Variants in DDX31 observed in about 807,000 individuals in gnomAD.
The protein encoded by DDX31 is DEAD-box helicase 31.
DDX31 carries 70 observed loss-of-function variants against 91.3 expected under a neutral mutation model. That is an observed-to-expected ratio of 0.77 (90% CI 0.63 to 0.94). DDX31 has a LOEUF of 0.94. DDX31 is among the 40% of genes least tolerant of loss of function. The pLI, the probability that DDX31 is intolerant of heterozygous loss-of-function variation, is 0.00. For synonymous variants in DDX31, 362 were observed against 350.6 expected, an observed-to-expected ratio of 1.03 and a Z score of -0.36; for missense variants, 902 against 925.0, an observed-to-expected ratio of 0.98 and a Z score of 0.32.
chr9:132,597,140 C>T (rs1271367379), intron 19 of DDX31, among the ~76,000 whole-genome samples: 2 of 152,210 alleles, frequency 1.3e-5, no homozygotes, highest in Non-Finnish European at 2.9e-5. Flanking sequence ...ACTGGTGCTA[C>T]GGCCCCTGAC....
chr9:132,626,657 G>A (rs73560900), intron 16 of DDX31, among the ~76,000 whole-genome samples: 99 of 150,860 alleles, frequency 6.6e-4, no homozygotes, highest in African/African-American at 2.0e-3. Flanking sequence ...TTTTGAAAAT[G>A]TAACAGCAAA....
rs762633023 is a variant in DDX31, at chr9:132,618,322, C to T, written c.1825+8G>A. 27 of 1,606,134 alleles carry T rather than the reference C, an allele frequency of 1.7e-5. No homozygotes were observed. Among genetic ancestry groups the T allele is most frequent in the East Asian group, 1.1e-4 (5 of 44,542 alleles). ...TCCACTGCGCAAGCACCTAGGAAAT[C>T]GACTGACCTTTCTTTGCCCAGGAGA... On this transcript the variant is annotated splice_region_variant and intron_variant, in intron 18 of 19. Transcript: ENST00000372159.
intron 18 of DDX31, among the ~76,000 whole-genome samples, chr9:132,617,078 C>T (rs1225831905): frequency 6.6e-6 from 1 of 152,200 alleles, no homozygotes; most frequent in Non-Finnish European, 1.5e-5. Flanking sequence ...TCTGCTCCCC[C>T]TTCATTCCGA....
At chr9:132,652,529 T>A (rs2130797182) in intron 6 of DDX31, 37 bp from the exon 7 acceptor site, 2 of 1,613,260 alleles carry the variant, frequency 1.2e-6, no homozygotes, top group Non-Finnish European at 1.7e-6. Flanking sequence ...ATGAGCAGGA[T>A]AAACAAAGGC....
At chr9:132,642,818 A>G (rs1355097936) in intron 13 of DDX31, among the ~76,000 whole-genome samples, 1 of 151,890 alleles carries the variant, frequency 6.6e-6, no homozygotes, top group African/African-American at 2.4e-5. Flanking sequence ...TATTATGGCA[A>G]TTAAGGTTGT....
chr9:132,593,084 G>A lies in DDX31; in HGVS notation c.*1782C>T, dbSNP rs1216025405. 1 of 152,092 alleles carries A rather than the reference G, an allele frequency of 6.6e-6. No individual in the cohort carries two copies. Among genetic ancestry groups the A allele is most frequent in the African/African-American group, 2.4e-5 (1 of 41,398 alleles). 9.4% of individuals were successfully genotyped at this position (152,092 alleles called of 1,614,324 possible). A position where few individuals can be genotyped will look rare whatever the true frequency, so the allele number is the denominator to read the frequency against. On this transcript the variant is annotated 3_prime_UTR_variant, in exon 20 of 20. Coordinates refer to ENST00000372159, the MANE Select transcript of DDX31 (RefSeq NM_022779.9). Reference sequence around the variant, plus strand: ...CTAAATCCATGTTTCTTTATTAACTGGGGTAATATAGTGATTCTACTTAGA... The same window carrying A: ...CTAAATCCATGTTTCTTTATTAACTAGGGTAATATAGTGATTCTACTTAGA...
intron 14 of DDX31, among the ~76,000 whole-genome samples, chr9:132,636,152 G>C (rs1322881545): frequency 4.6e-5 from 7 of 152,178 alleles, no homozygotes; most frequent in Non-Finnish European, 8.8e-5. Flanking sequence ...TGTGTAAGCA[G>C]AAGTTAAATG....
At chr9:132,653,698 G>C (rs931566137) in intron 6 of DDX31, among the ~76,000 whole-genome samples, 1 of 151,862 alleles carries the variant, frequency 6.6e-6, no homozygotes, top group African/African-American at 2.4e-5. Context: ...CCTATTTCCA[G>C]ATAAGAGGAT....
At chr9:132,624,341 T>C (rs574886233) in intron 17 of DDX31, among the ~76,000 whole-genome samples, 1 of 152,236 alleles carries the variant, frequency 6.6e-6, no homozygotes, top group Admixed American at 6.5e-5. Context: ...TTACGAGTCT[T>C]ATATGAAGTA....
At chr9:132,660,141 C>G (rs890904198) in intron 4 of DDX31, among the ~76,000 whole-genome samples, 3 of 151,950 alleles carry the variant, frequency 2.0e-5, no homozygotes, top group Non-Finnish European at 4.4e-5. Flanking sequence ...TTTGACCAGC[C>G]TGGCCAACAT....
At chr9:132,642,883 T>G (rs1306765662) in intron 13 of DDX31, among the ~76,000 whole-genome samples, 27 of 151,952 alleles carry the variant, frequency 1.8e-4, no homozygotes. Flanking sequence ...CCAGGCTCAC[T>G]GCACAATCTC....
chr9:132,612,868 G>A (rs959190068), intron 18 of DDX31, among the ~76,000 whole-genome samples: 3 of 152,058 alleles, frequency 2.0e-5, no homozygotes, highest in Non-Finnish European at 4.4e-5. Context: ...CTTATCCATA[G>A]GCAATCCCTG....
intron 11 of DDX31, among the ~76,000 whole-genome samples, chr9:132,647,863 G>C (rs1590070433): frequency 6.6e-6 from 1 of 152,170 alleles, no homozygotes; most frequent in Non-Finnish European, 1.5e-5. Context: ...CATCTTCAGT[G>C]CAAGGGCCCT....
At chr9:132,601,165 G>C in intron 19 of DDX31, among the ~76,000 whole-genome samples, 1 of 152,172 alleles carries the variant, frequency 6.6e-6, no homozygotes, top group Non-Finnish European at 1.5e-5. Context: ...GGGTGAACTG[G>C]ATGAAATCAT....
chr9:132,663,937 TG>T, intron 1 of DDX31, among the ~76,000 whole-genome samples: 1 of 152,338 alleles, frequency 6.6e-6, no homozygotes, highest in East Asian at 1.9e-4. Context: ...CAGTATGAAA[TG>T]TGCAGACTTC....
chr9:132,600,029 C>G (rs1830647098), intron 19 of DDX31, among the ~76,000 whole-genome samples: 2 of 152,246 alleles, frequency 1.3e-5, no homozygotes, highest in Non-Finnish European at 2.9e-5. Flanking sequence ...GTGAGGGTAA[C>G]AGGCAACTCC....
chr9:132,650,511 A>G (rs1458354048), intron 8 of DDX31, among the ~76,000 whole-genome samples: 1 of 152,214 alleles, frequency 6.6e-6, no homozygotes, highest in African/African-American at 2.4e-5. Flanking sequence ...ACTAGCTTCT[A>G]CCACAGTGAG....
chr9:132,613,389 G>A (rs1280327964), intron 18 of DDX31, among the ~76,000 whole-genome samples: 1 of 152,176 alleles, frequency 6.6e-6, no homozygotes, highest in African/African-American at 2.4e-5. Flanking sequence ...AAGTTTCAGT[G>A]CCGTTTTAAA....
At chr9:132,637,368 G>A (rs762731824) in intron 14 of DDX31, among the ~76,000 whole-genome samples, 69 of 152,236 alleles carry the variant, frequency 4.5e-4, no homozygotes, top group African/African-American at 1.3e-3. Context: ...GACACTCAAC[G>A]GTGAGGCCTT....
Sources: allele counts gnomAD v4.1 joint callset (sites outside exome capture counted in the v4.1 genomes callset), GRCh38; gene constraint gnomAD v4.1.1; transcripts MANE v1.5; gene names NCBI Gene and HGNC (gene_info 2026-07-23, HGNC 2026-07-21).